Variants in SLC25A42 observed in about 807,000 individuals in gnomAD.
SLC25A42 encodes the protein mitochondrial coenzyme A transporter SLC25A42.
Under a neutral mutation model 34.7 loss-of-function variants are expected in SLC25A42, and 19 were observed. The ratio of observed to expected loss-of-function variants is 0.55; its 90% confidence interval spans 0.38 to 0.80. SLC25A42 has a LOEUF of 0.80. SLC25A42 is among the 30% of genes least tolerant of loss of function. The pLI is 0.00. For missense variants in SLC25A42, 364 were observed against 441.3 expected (o/e 0.82, Z 1.57); for synonymous variants, 205 against 191.2 (o/e 1.07, Z -0.59).
chr19:19,064,551 C>T (rs1242666926), intron 1 of SLC25A42, among the ~76,000 whole-genome samples: 1 of 150,422 alleles, frequency 6.6e-6, no homozygotes, highest in Admixed American at 6.6e-5. Context: ...CTCATGGCCT[C>T]GCAACTCACA....
At chr19:19,091,370 A>T (rs1252040732) in intron 1 of SLC25A42, among the ~76,000 whole-genome samples, 1 of 152,172 alleles carries the variant, frequency 6.6e-6, no homozygotes, top group Non-Finnish European at 1.5e-5. Flanking sequence ...AGGCAGGAGA[A>T]TCGCTTGAAC....
intron 1 of SLC25A42, among the ~76,000 whole-genome samples, chr19:19,077,816 G>A (rs2059662221): frequency 6.6e-6 from 1 of 152,224 alleles, no homozygotes; most frequent in Admixed American, 6.5e-5. Context: ...GAATCCGGGA[G>A]GTGGAAGTTG....
chr19:19,073,568 G>A (rs2059641057), intron 1 of SLC25A42, among the ~76,000 whole-genome samples: 1 of 151,162 alleles, frequency 6.6e-6, no homozygotes. Context: ...CGTGTGGTAA[G>A]AACATGGGGC....
At chr19:19,082,854 G>A (rs1298274986) in intron 1 of SLC25A42, among the ~76,000 whole-genome samples, 6 of 151,272 alleles carry the variant, frequency 4.0e-5, no homozygotes, top group Non-Finnish European at 8.8e-5. Context: ...GTCTCCCTCT[G>A]TCACCCAGGC....
At chr19:19,074,136 G>A (rs1362770679) in intron 1 of SLC25A42, among the ~76,000 whole-genome samples, 1 of 152,250 alleles carries the variant, frequency 6.6e-6, no homozygotes, top group Non-Finnish European at 1.5e-5. Flanking sequence ...GGTGTGGGCA[G>A]CACTGTCTGC....
intron 7 of SLC25A42, 50 bp downstream of exon 7, chr19:19,108,095 G>A: frequency 1.3e-6 from 2 of 1,519,298 alleles, no homozygotes; most frequent in Non-Finnish European, 1.8e-6. Flanking sequence ...AGCATTCCCT[G>A]GGGACAGCAG....
At chr19:19,080,573 G>A (rs1256431240) in intron 1 of SLC25A42, among the ~76,000 whole-genome samples, 2 of 152,118 alleles carry the variant, frequency 1.3e-5, no homozygotes, top group Non-Finnish European at 2.9e-5. Context: ...CTTGAGGCCA[G>A]GAGTTCGAGA....
At chr19:19,087,217 T>C (rs1469573305) in intron 1 of SLC25A42, among the ~76,000 whole-genome samples, 1 of 152,198 alleles carries the variant, frequency 6.6e-6, no homozygotes, top group Non-Finnish European at 1.5e-5. Context: ...GCATCTGTCT[T>C]TCTGTGCCTG....
In SLC25A42 at chr19:19,111,087, G is replaced by T. The variant is rs1026042795; in HGVS notation, c.*211G>T. On this transcript the variant is annotated 3_prime_UTR_variant, in exon 8 of 8. Coordinates refer to ENST00000318596, the MANE Select transcript of SLC25A42 (RefSeq NM_178526.5). ...AAGTGCAGTGTTGGGGCGATGGTGT[G>T]GGGGGTCCCGCAGCTCCCCTCTTCC... The T allele has an allele frequency of 5.1e-6, 3 of 592,628 alleles. No individual in the cohort carries two copies. The highest frequency in any genetic ancestry group is 8.8e-6 in the Non-Finnish European group (3 of 339,206). The allele number at this position is 592,628 out of a possible 1,614,324, so 36.7% of individuals were successfully genotyped here.
intron 1 of SLC25A42, among the ~76,000 whole-genome samples, chr19:19,080,580 G>A (rs140683027): frequency 0.019 from 2,925 of 152,076 alleles, 86 homozygotes; most frequent in African/African-American, 0.067. Context: ...CCAGGAGTTC[G>A]AGACTAGCCT....
At chr19:19,107,539 G>T (rs1408642817) in intron 6 of SLC25A42, among the ~76,000 whole-genome samples, 2 of 152,094 alleles carry the variant, frequency 1.3e-5, no homozygotes, top group Non-Finnish European at 2.9e-5. Context: ...GCTGAAGCAG[G>T]AGAATCACTT....
At chr19:19,105,465 C>A in intron 4 of SLC25A42, 96 bp from the exon 5 acceptor site, 1 of 1,463,654 alleles carries the variant, frequency 6.8e-7, no homozygotes, top group Non-Finnish European at 9.2e-7. Flanking sequence ...GTCACCCCGG[C>A]CCCGCCTCCG....
intron 3 of SLC25A42, among the ~76,000 whole-genome samples, chr19:19,104,557 G>A (rs1237447804): frequency 6.6e-6 from 1 of 152,216 alleles, no homozygotes; most frequent in African/African-American, 2.4e-5. Context: ...GCATGTCCGG[G>A]AGAGAGGGCA....
rs73922805 is a variant in SLC25A42, at chr19:19,110,990, A to G, written c.*114A>G. On this transcript the variant is annotated 3_prime_UTR_variant, in exon 8 of 8. Transcript: ENST00000318596. ...CTTCAGGAGGCACATGGGGCGCTTT[A>G]TGGAACGAGCAGGTGGGCCTGAGGG... 1.0e-3 allele frequency: 1,249 copies of G among 1,235,566 alleles called. 7 individuals are homozygous for G. In the African/African-American group the frequency reaches 0.015, roughly 15 times the overall value. 76.5% of individuals were successfully genotyped at this position (1,235,566 alleles called of 1,614,324 possible). A position where few individuals can be genotyped will look rare whatever the true frequency, so the allele number is the denominator to read the frequency against.
chr19:19,088,202 ATTT>A (rs10706701), intron 1 of SLC25A42, among the ~76,000 whole-genome samples: 30 of 96,724 alleles, frequency 3.1e-4, no homozygotes, highest in African/African-American at 5.7e-4. Flanking sequence ...CTGATCTTCA[ATTT>A]TTTTTTTTTT....
intron 1 of SLC25A42, among the ~76,000 whole-genome samples, chr19:19,093,564 G>A (rs1486566413): frequency 6.6e-6 from 1 of 152,152 alleles, no homozygotes; most frequent in Non-Finnish European, 1.5e-5. Context: ...CATCTCCTTA[G>A]ACTCCTCTGG....
intron 1 of SLC25A42, among the ~76,000 whole-genome samples, chr19:19,093,375 C>T (rs2059748173): frequency 6.6e-6 from 1 of 152,240 alleles, no homozygotes; most frequent in African/African-American, 2.4e-5. Context: ...CCCGACACCG[C>T]ACACATCTAG....
At chr19:19,103,292 G>C (rs925846871) in intron 3 of SLC25A42, among the ~76,000 whole-genome samples, 9 of 151,916 alleles carry the variant, frequency 5.9e-5, no homozygotes, top group Non-Finnish European at 1.0e-4. Context: ...GACAGGTTTC[G>C]ACACGTTGGC....
In SLC25A42 at chr19:19,101,779, A is replaced by G; in HGVS notation, c.82-2A>G. 6.2e-7 allele frequency: 1 copy of G among 1,610,742 alleles called. No individual in the cohort carries two copies. The highest frequency in any genetic ancestry group is 8.5e-7 in the Non-Finnish European group (1 of 1,178,626). ...GACCTCTGATCACATGTTCTGTTGC[A>G]GCGTGACCACAGGCAAGTGCTCAGC... On this transcript the variant is annotated splice_acceptor_variant, in intron 2 of 7. Transcript: ENST00000318596. LOFTEE classifies it high-confidence loss of function.
Sources: gnomAD v4.1 joint callset for allele counts (sites outside exome capture counted in the v4.1 genomes callset) on GRCh38, gnomAD v4.1.1 for gene constraint, MANE v1.5 for transcripts, NCBI Gene and HGNC (gene_info 2026-07-23, HGNC 2026-07-21) for gene names.